The following ATP2C1 variants were observed in gnomAD, a reference collection of about 807,000 sequenced individuals.
The protein encoded by ATP2C1 is calcium-transporting ATPase type 2C member 1.
A neutral mutation model predicts 120.5 loss-of-function variants in ATP2C1; 31 were observed. That is an observed-to-expected ratio of 0.26 (90% CI 0.19 to 0.35). The LOEUF (loss-of-function observed/expected upper bound fraction) is 0.35. Among genes scored for constraint, ATP2C1 ranks in the 10% least tolerant of loss-of-function variants. ATP2C1 has a pLI of 1.00. For missense variants in ATP2C1, 731 were observed against 1,107.5 expected (o/e 0.66, Z 4.83); for synonymous variants, 351 against 358.7 (o/e 0.98, Z 0.24).
In ATP2C1 at chr3:130,998,280, T is replaced by C. The variant is rs773160832; in HGVS notation, c.2392-14T>C. 2.6e-6 allele frequency: 4 copies of C among 1,562,928 alleles called. No homozygotes were observed. The highest frequency in any genetic ancestry group is 3.5e-6 in the Non-Finnish European group (4 of 1,133,474). On this transcript the variant is annotated splice_polypyrimidine_tract_variant and intron_variant, in intron 25 of 27. Transcript: ENST00000510168. ...CAGCCACTGAAAAGTAATTTTGTTA[T>C]TGCCTCTTGACAGCTACGAGACAAT...
At chr3:130,967,664 T>G (rs765229473) in intron 16 of ATP2C1, among the ~76,000 whole-genome samples, 4 of 152,194 alleles carry the variant, frequency 2.6e-5, no homozygotes, top group Non-Finnish European at 5.9e-5. Context: ...TGATTTCTTG[T>G]GAAGAAATGT....
chr3:130,979,447 T>A (rs1251860422), intron 19 of ATP2C1, 28 bp downstream of exon 19: 1 of 1,610,504 alleles, frequency 6.2e-7, no homozygotes, highest in East Asian at 2.2e-5. Context: ...TCTTTTGTTT[T>A]CGATAGTTTT....
downstream of ATP2C1, among the ~76,000 whole-genome samples, chr3:131,005,107 G>GTC (rs2063053103): frequency 7.8e-6 from 1 of 128,782 alleles, no homozygotes; most frequent in African/African-American, 3.0e-5. Context: ...AATTTGAATT[G>GTC]TCTTTTTTTT....
intron 27 of ATP2C1, 102 bp downstream of exon 27, chr3:130,999,761 T>A: frequency 8.9e-7 from 1 of 1,125,882 alleles, no homozygotes; most frequent in Non-Finnish European, 1.3e-6. Flanking sequence ...GCAAAATAAG[T>A]AACTCACTTG....
chr3:130,879,284 G>A (rs1383749455), intron 1 of ATP2C1, among the ~76,000 whole-genome samples: 1 of 152,098 alleles, frequency 6.6e-6, no homozygotes, highest in South Asian at 2.1e-4. Context: ...GGCCAGGCTA[G>A]TCTTGAACTC....
Position 130,851,004 on chromosome 3 carries a change from C to T in ATP2C1, c.108+76C>T, listed in dbSNP as rs1032872192. The T allele has an allele frequency of 6.0e-6, 5 of 826,660 alleles. No homozygotes were observed. In the African/African-American group the frequency reaches 8.9e-5, roughly 15 times the overall value. The allele number at this position is 826,660 out of a possible 1,614,324, so 51.2% of individuals were successfully genotyped here. ...TTGCTTTTACGTCGCTTAGTGATTTCATTTGTGCTGGTTTACATGTTTATA... is the reference window on the plus strand; with the variant it reads ...TTGCTTTTACGTCGCTTAGTGATTTTATTTGTGCTGGTTTACATGTTTATA... On this transcript the variant is annotated intron_variant, in intron 1 of 26. Transcript: ENST00000504381.
At chr3:131,005,412 G>T (rs913081884), downstream of ATP2C1, among the ~76,000 whole-genome samples, 2 of 152,172 alleles carry the variant, frequency 1.3e-5, no homozygotes, top group African/African-American at 2.4e-5. Flanking sequence ...ACTGTGCCCA[G>T]CTTTGAATTT....
rs3773801 is a variant in ATP2C1, at chr3:130,938,289, A to G, written c.360+826A>G. 0.012 allele frequency among the ~76,000 whole-genome samples: 1,773 copies of G among 152,348 alleles called. 135 individuals are homozygous for G. In the East Asian group the frequency reaches 0.21, roughly 18 times the overall value. ...GTAGATTTTAGAACAGTGTTTCACA[A>G]TATCAGCAGATTTCCTTTTTAGCTA... is the stretch of plus-strand genomic sequence containing the variant. On this transcript the variant is annotated intron_variant, in intron 6 of 27. Transcript: ENST00000510168.
At chr3:130,913,253 T>C (rs1387091275) in intron 2 of ATP2C1, among the ~76,000 whole-genome samples, 2 of 150,280 alleles carry the variant, frequency 1.3e-5, no homozygotes, top group Non-Finnish European at 3.0e-5. Flanking sequence ...TAATAAAAAA[T>C]AAATAAATTT....
At chr3:130,913,484 G>A (rs2058540396) in intron 2 of ATP2C1, among the ~76,000 whole-genome samples, 1 of 152,152 alleles carries the variant, frequency 6.6e-6, no homozygotes, top group South Asian at 2.1e-4. Flanking sequence ...GTATTTTCAT[G>A]TGACAGTGTT....
chr3:130,908,481 A>C (rs939121584), intron 2 of ATP2C1, among the ~76,000 whole-genome samples: 2 of 151,036 alleles, frequency 1.3e-5, no homozygotes, highest in East Asian at 1.9e-4. Flanking sequence ...AAAAAAAAAA[A>C]CACCAGAAAT....
rs1006424145 is a variant in ATP2C1, at chr3:130,918,294, C to G, written c.7-12122C>G. On this transcript the variant is annotated intron_variant, in intron 2 of 27. Coordinates refer to ENST00000510168, the MANE Select transcript of ATP2C1 (RefSeq NM_001378687.1). The stretch of plus-strand genomic sequence containing the variant: ...GGCCCAAAGTTCTTTGCATAGCACC[C>G]TTTACAATAGATTTCACCTTCTTTT... The G allele has an allele frequency of 5.8e-6, 9 of 1,555,586 alleles. No homozygotes were observed. The African/African-American group carries it at 1.2e-4, about 21-fold the overall frequency.
intron 17 of ATP2C1, among the ~76,000 whole-genome samples, chr3:130,974,174 T>C (rs1020550366): frequency 6.6e-5 from 10 of 152,224 alleles, no homozygotes; most frequent in African/African-American, 2.4e-4. Flanking sequence ...ATGATAGGTA[T>C]ACAGAAAACA....
Position 131,001,295 on chromosome 3 carries a change from G to T in ATP2C1, c.2705G>T (p.Arg902Met). The T allele has an allele frequency of 6.2e-7, 1 of 1,613,758 alleles. No homozygotes were observed. The highest frequency in any genetic ancestry group is 2.2e-5 in the East Asian group (1 of 44,836). The change falls in exon 28 of 28, where the codon AGG (arginine) becomes ATG (methionine). Residue 902 changes from arginine to methionine, a missense_variant. Physicochemically the swap from Arg to Met is moderately conservative, Grantham distance 91. This residue lies in a region of ATP2C1 where 141 missense variants were observed against 201.6 expected (regional missense o/e 0.70). Transcript: ENST00000510168. ...AEIIKKVERS[R>M]EKIQKHVSST... ...ATTATAAAGAAGGTTGAAAGGAGCAGGGAAAAGATCCAGAAGCATGTTAGT... is the reference window on the plus strand; with the variant it reads ...ATTATAAAGAAGGTTGAAAGGAGCATGGAAAAGATCCAGAAGCATGTTAGT...
rs187606851 is a variant in ATP2C1, at chr3:130,861,687, C to T, written c.108+10759C>T. On this transcript the variant is annotated intron_variant, in intron 1 of 26. Transcript: ENST00000504381. ...TTTATTTATTTTACCAGCTATCTGACCATCCCTTAGCCCAGTAAAATTGAG... is the reference window on the plus strand; with the variant it reads ...TTTATTTATTTTACCAGCTATCTGATCATCCCTTAGCCCAGTAAAATTGAG... Among the ~76,000 whole-genome samples the T allele has an allele frequency of 1.3e-3, 192 of 152,168 alleles. No homozygotes were observed. In the Middle Eastern group the frequency reaches 0.017, roughly 13 times the overall value.
At chr3:130,995,897 GGC>G (rs2062598027) in intron 22 of ATP2C1, 144 bp from the exon 23 acceptor site, 3 of 624,616 alleles carry the variant, frequency 4.8e-6, no homozygotes. Flanking sequence ...TGCCAGTTTC[GGC>G]CTCCCAGTGT....
chr3:130,996,996 C>G (rs980138399), intron 24 of ATP2C1, among the ~76,000 whole-genome samples, 200 bp downstream of exon 24: 7 of 104,698 alleles, frequency 6.7e-5, no homozygotes, highest in Non-Finnish European at 1.3e-4. Flanking sequence ...AGCCTTTCCA[C>G]TGTTAGATGC....
chr3:130,879,351 A>C (rs1020664035), intron 1 of ATP2C1, among the ~76,000 whole-genome samples: 4 of 152,162 alleles, frequency 2.6e-5, no homozygotes, highest in Non-Finnish European at 4.4e-5. Context: ...ACAGGTGTGA[A>C]TCACCATGCC....
chr3:131,012,479 A>C (rs1212025636), intron 26 of ATP2C1, among the ~76,000 whole-genome samples: 1 of 151,752 alleles, frequency 6.6e-6, no homozygotes, highest in East Asian at 1.9e-4. Flanking sequence ...GCTGGTCTTG[A>C]ACTCCTGACC....
Sources: gnomAD v4.1 joint callset for allele counts (sites outside exome capture counted in the v4.1 genomes callset) on GRCh38, gnomAD v4.1.1 for gene constraint, gnomAD v4.1.1 regional missense constraint, MANE v1.5 for transcripts, NCBI Gene and HGNC (gene_info 2026-07-23, HGNC 2026-07-21) for gene names.